The following AFAP1L2 variants were observed in gnomAD, a reference collection of about 807,000 sequenced individuals.
AFAP1L2 encodes actin filament associated protein 1 like 2.
AFAP1L2 carries 46 observed loss-of-function variants against 99.3 expected under a neutral mutation model. The observed-to-expected ratio is 0.46, with a 90% CI of 0.37 to 0.59. AFAP1L2 has a LOEUF of 0.59. AFAP1L2 is among the 20% of genes least tolerant of loss of function. AFAP1L2 has a pLI of 0.00. For synonymous variants in AFAP1L2, 397 were observed against 419.1 expected, an observed-to-expected ratio of 0.95 and a Z score of 0.64; for missense variants, 959 against 1,034.9, an observed-to-expected ratio of 0.93 and a Z score of 1.01.
Position 114,295,069 on chromosome 10 carries a change from G to A in AFAP1L2, c.*973C>T, listed in dbSNP as rs2039990693. 1.0e-6 allele frequency: 1 copy of A among 980,876 alleles called. No individual in the cohort carries two copies. The highest frequency in any genetic ancestry group is 1.2e-6 in the Non-Finnish European group (1 of 829,128). 60.8% of individuals were successfully genotyped at this position (980,876 alleles called of 1,614,324 possible). Reference sequence around the variant, plus strand: ...GAGGAAAAGACAGGGGCAGCACAAGGAACAGCACTGCCAATTTTAAGAGGG... The same window carrying A: ...GAGGAAAAGACAGGGGCAGCACAAGAAACAGCACTGCCAATTTTAAGAGGG... On this transcript the variant is annotated 3_prime_UTR_variant, in exon 19 of 19. Transcript: ENST00000304129.
chr10:114,384,737 C>T (rs2056272146), intron 1 of AFAP1L2, among the ~76,000 whole-genome samples: 2 of 152,244 alleles, frequency 1.3e-5, no homozygotes, highest in African/African-American at 2.4e-5. Flanking sequence ...GCCTAGCCCA[C>T]GGCCTACTGG....
chr10:114,361,267 T>C (rs1350408861), intron 1 of AFAP1L2, among the ~76,000 whole-genome samples: 2 of 152,124 alleles, frequency 1.3e-5, no homozygotes, highest in Non-Finnish European at 2.9e-5. Flanking sequence ...TCACCCCCAC[T>C]TACATATATT....
At chr10:114,395,007 C>T (rs759283093) in intron 1 of AFAP1L2, among the ~76,000 whole-genome samples, 3 of 152,128 alleles carry the variant, frequency 2.0e-5, no homozygotes, top group Non-Finnish European at 2.9e-5. Context: ...GTAACATCAA[C>T]GGTAGGGACC....
At chr10:114,386,642 G>A (rs1565066510) in intron 1 of AFAP1L2, among the ~76,000 whole-genome samples, 1 of 152,168 alleles carries the variant, frequency 6.6e-6, no homozygotes, top group South Asian at 2.1e-4. Context: ...GCAGCAGCCG[G>A]AACTGCACCT....
chr10:114,348,856 G>C (rs1352654114), intron 1 of AFAP1L2, among the ~76,000 whole-genome samples: 1 of 152,150 alleles, frequency 6.6e-6, no homozygotes, highest in East Asian at 1.9e-4. Flanking sequence ...CTAATGCACA[G>C]CCAAGGTCAA....
chr10:114,371,439 C>T (rs1440395007), intron 1 of AFAP1L2, among the ~76,000 whole-genome samples: 2 of 152,120 alleles, frequency 1.3e-5, no homozygotes, highest in Admixed American at 6.5e-5. Context: ...CAGGGCAAAG[C>T]CCCCTCATCA....
At chr10:114,310,255 G>T (rs1300945498) in intron 8 of AFAP1L2, 99 bp downstream of exon 8, 5 of 1,224,910 alleles carry the variant, frequency 4.1e-6, no homozygotes, top group African/African-American at 1.5e-5. Flanking sequence ...CTTATTAATT[G>T]GACTGAAATA....
chr10:114,294,704 G>C (rs1381602866), downstream of AFAP1L2: 1 of 588,756 alleles, frequency 1.7e-6, no homozygotes, highest in African/African-American at 2.0e-5. Context: ...TTTGATTCAA[G>C]GAGGCTGAGT....
the AFAP1L2 span, chr10:114,286,361 C>T: frequency 2.5e-6 from 4 of 1,613,852 alleles, no homozygotes; most frequent in African/African-American, 1.3e-5. Flanking sequence ...GCGAGAGCTG[C>T]TCCTGCTGGG....
intron 1 of AFAP1L2, among the ~76,000 whole-genome samples, chr10:114,403,591 C>A (rs973912807): frequency 9.2e-5 from 14 of 152,126 alleles, no homozygotes; most frequent in African/African-American, 3.4e-4. Flanking sequence ...CCGCAGGGTT[C>A]CTCTTAAGGG....
rs73369139 is a variant in AFAP1L2 at position 114,380,932 on chromosome 10, G to A, written c.16+23508C>T. Reference sequence around the variant, plus strand: ...CAGCTGTTTTAGAAAACAGTCTGTCGGTTTCCCAAATGATGAAACATAGAT... The same window carrying A: ...CAGCTGTTTTAGAAAACAGTCTGTCAGTTTCCCAAATGATGAAACATAGAT... On this transcript the variant is annotated intron_variant, in intron 1 of 18. Transcript: ENST00000304129. 3.4e-3 allele frequency among the ~76,000 whole-genome samples: 511 copies of A among 152,270 alleles called. 2 individuals carry two copies. The highest frequency in any genetic ancestry group is 0.011 in the African/African-American group (470 of 41,554).
downstream of AFAP1L2, among the ~76,000 whole-genome samples, chr10:114,293,661 T>C (rs1435950126): frequency 2.6e-5 from 4 of 152,228 alleles, no homozygotes; most frequent in African/African-American, 9.6e-5. Flanking sequence ...TATATTTTCC[T>C]TGCAATAATT....
In AFAP1L2 at chr10:114,297,093, G is replaced by A. The variant is rs141967535; in HGVS notation, c.2315C>T (p.Ala772Val). ...GTCTGGGGCAGAGGCAGGTGTGACA[G>A]CTTTGGGCTGTGGTTATAGGAGGAG... ...HLENVSPRPK[A>V]VTPASAPDCT... is the part of the protein sequence containing the mutation. Residue 772 changes from alanine to valine, a missense_variant, in exon 18 of 19, where the codon GCT becomes GTT. Transcript: ENST00000304129. The A allele has an allele frequency of 7.4e-6, 12 of 1,614,080 alleles. No individual in the cohort carries two copies. In the African/African-American group the frequency reaches 1.5e-4, roughly 20 times the overall value.
chr10:114,323,367 G>T, intron 4 of AFAP1L2, 106 bp from the exon 5 acceptor site: 1 of 937,256 alleles, frequency 1.1e-6, no homozygotes, highest in Non-Finnish European at 1.7e-6. Context: ...TGCCCAGCTG[G>T]ACTTTAAACT....
At chr10:114,397,398 C>G (rs534883242) in intron 1 of AFAP1L2, among the ~76,000 whole-genome samples, 1 of 152,218 alleles carries the variant, frequency 6.6e-6, no homozygotes, top group Non-Finnish European at 1.5e-5. Flanking sequence ...ACTTAGCATA[C>G]TGGTGTGTAT....
chr10:114,377,090 A>C lies in AFAP1L2; in HGVS notation c.16+27350T>G, dbSNP rs1385205835. Among the ~76,000 whole-genome samples the C allele has an allele frequency of 6.6e-6, 1 of 152,196 alleles. No individual in the cohort carries two copies. Among genetic ancestry groups the C allele is most frequent in the East Asian group, 1.9e-4 (1 of 5,192 alleles). ...GACAAGGTCATAATACATGTGAAAC[A>C]TCTCCTTTGGTCCATGGTTTACTAA... On this transcript the variant is annotated intron_variant, in intron 1 of 18. Coordinates refer to ENST00000304129, the MANE Select transcript of AFAP1L2 (RefSeq NM_001001936.3). This position sits in a 1 kb window ranked among gnomAD's most constrained non-coding sequence, Gnocchi z 4.0.
At chr10:114,400,847 C>A (rs1408034173) in intron 1 of AFAP1L2, among the ~76,000 whole-genome samples, 1 of 152,148 alleles carries the variant, frequency 6.6e-6, no homozygotes, top group Non-Finnish European at 1.5e-5. Context: ...TTTTTGAAAG[C>A]TCCACAGATG....
chr10:114,302,191 G>A, intron 12 of AFAP1L2, 148 bp downstream of exon 12: 1 of 1,228,510 alleles, frequency 8.1e-7, no homozygotes, highest in Non-Finnish European at 1.1e-6. Context: ...CCTCCCTGAG[G>A]GCTACTCCTT....
chr10:114,300,092 T>C, intron 15 of AFAP1L2, 102 bp downstream of exon 15: 3 of 1,504,766 alleles, frequency 2.0e-6, no homozygotes, highest in Non-Finnish European at 2.7e-6. Context: ...TTCTCCTTAA[T>C]AAACGCCCTT....
Sources: gnomAD v4.1 joint callset for allele counts (sites outside exome capture counted in the v4.1 genomes callset) on GRCh38, gnomAD v4.1.1 for gene constraint, Gnocchi (gnomAD v3.1) non-coding constraint, MANE v1.5 for transcripts, NCBI Gene and HGNC (gene_info 2026-07-23, HGNC 2026-07-21) for gene names.